The following ATP13A4 variants were observed in gnomAD, a reference collection of about 807,000 sequenced individuals.
ATP13A4 encodes the protein probable cation-transporting ATPase 13A4.
ATP13A4 carries 114 observed loss-of-function variants against 142.5 expected under a neutral mutation model. The ratio of observed to expected loss-of-function variants is 0.80; its 90% CI spans 0.69 to 0.93. The LOEUF is 0.93. Among genes scored for constraint, ATP13A4 ranks in the 40% least tolerant of loss-of-function variants. The pLI is 0.00. For missense variants in ATP13A4, 1,392 were observed against 1,454.0 expected (o/e 0.96, Z 0.69); for synonymous variants, 488 against 514.8 (o/e 0.95, Z 0.70).
At chr3:193,474,957 C>T (rs1295700905) in intron 8 of ATP13A4, among the ~76,000 whole-genome samples, 1 of 152,012 alleles carries the variant, frequency 6.6e-6, no homozygotes, top group East Asian at 1.9e-4. Context: ...GATAACATTG[C>T]TCACCTTATG....
chr3:193,537,832 G>A (rs979846646), intron 1 of ATP13A4, among the ~76,000 whole-genome samples: 4 of 151,966 alleles, frequency 2.6e-5, no homozygotes, highest in African/African-American at 9.7e-5. Context: ...ATTATGCTGG[G>A]GAAAAAAAGC....
At chr3:193,561,659 A>T (rs1366876634) in intron 2 of ATP13A4, among the ~76,000 whole-genome samples, 1 of 152,074 alleles carries the variant, frequency 6.6e-6, no homozygotes, top group East Asian at 1.9e-4. Flanking sequence ...TAGTACTCAG[A>T]CCCTCTCCCA....
intron 25 of ATP13A4, among the ~76,000 whole-genome samples, chr3:193,429,201 G>A (rs937023169): frequency 2.0e-5 from 3 of 152,060 alleles, no homozygotes; most frequent in Admixed American, 1.3e-4. Flanking sequence ...CTTATACATT[G>A]CTAGTGAGAA....
chr3:193,552,945 T>C (rs978454105), intron 1 of ATP13A4, among the ~76,000 whole-genome samples: 1 of 152,206 alleles, frequency 6.6e-6, no homozygotes, highest in African/African-American at 2.4e-5. Flanking sequence ...ATATATAGCT[T>C]GATAATTTTT....
chr3:193,400,957 G>A lies in ATP13A4; in HGVS notation c.*1695C>T, dbSNP rs1244140749. Among the ~76,000 whole-genome samples the A allele has an allele frequency of 3.9e-5, 6 of 152,162 alleles. No individual in the cohort carries two copies. Among genetic ancestry groups the A allele is most frequent in the Non-Finnish European group, 8.8e-5 (6 of 68,024 alleles). On this transcript the variant is annotated 3_prime_UTR_variant, in exon 30 of 30. Transcript: ENST00000342695. The stretch of plus-strand genomic sequence containing the variant: ...AAACATTTCTTTCTGTACCAAAAAA[G>A]ACAGTGATTCTGCAGTCTTGAAACA...
chr3:193,550,495 AG>A (rs1723491817), intron 1 of ATP13A4, among the ~76,000 whole-genome samples: 1 of 152,002 alleles, frequency 6.6e-6, no homozygotes, highest in African/African-American at 2.4e-5. Context: ...TTTTATAGAC[AG>A]GGTTTCACTA....
At chr3:193,417,302 A>G (rs1184109239) in intron 25 of ATP13A4, among the ~76,000 whole-genome samples, 1 of 152,250 alleles carries the variant, frequency 6.6e-6, no homozygotes, top group Non-Finnish European at 1.5e-5. Context: ...TAGTAAAGGT[A>G]ACTATATCAG....
chr3:193,502,583 T>A lies in ATP13A4; in HGVS notation c.291A>T (p.Leu97Phe). Residue 97 changes from leucine to phenylalanine, a missense_variant, in exon 3 of 30, where the codon TTA (leucine) becomes TTT (phenylalanine). By Grantham distance (22) the Leu-to-Phe change is conservative (BLOSUM62 0). Transcript: ENST00000342695. ...CAGGAGTGAGACCAAATGCGCTGTTTAATGCTGACAGGTAGATCCATATTA... is the reference window on the plus strand; with the variant it reads ...CAGGAGTGAGACCAAATGCGCTGTTAAATGCTGACAGGTAGATCCATATTA... ...KKVIWIYLSA[L>F]NSAFGLTPDH... 6.2e-7 allele frequency: 1 copy of A among 1,613,806 alleles called. No individual in the cohort carries two copies. Among genetic ancestry groups the A allele is most frequent in the East Asian group, 2.2e-5 (1 of 44,878 alleles).
chr3:193,449,445 C>G (rs951340116), intron 17 of ATP13A4, among the ~76,000 whole-genome samples: 1 of 152,186 alleles, frequency 6.6e-6, no homozygotes, highest in Non-Finnish European at 1.5e-5. Flanking sequence ...AGTGATGCTC[C>G]CAGGAAACTG....
intron 23 of ATP13A4, among the ~76,000 whole-genome samples, chr3:193,437,653 T>C (rs1270103011): frequency 6.6e-6 from 1 of 152,084 alleles, no homozygotes; most frequent in Non-Finnish European, 1.5e-5. Context: ...TGTGAGATAG[T>C]AGGCATTATA....
At chr3:193,412,506 AACACACACACACACACACACAC>A (rs58979821) in intron 26 of ATP13A4, 135 bp from the exon 27 acceptor site, 11 of 508,404 alleles carry the variant, frequency 2.2e-5, no homozygotes, top group South Asian at 1.5e-4. Flanking sequence ...TGCTTTGGAA[AACACACACACACACACACACAC>A]ACACACACAC....
At chr3:193,575,068 G>A (rs1577086736) in intron 2 of ATP13A4, among the ~76,000 whole-genome samples, 1 of 152,184 alleles carries the variant, frequency 6.6e-6, no homozygotes, top group Non-Finnish European at 1.5e-5. Context: ...AAGTGAACTA[G>A]TCTGAGAATG....
At chr3:193,503,696 C>T (rs1043570685) in intron 2 of ATP13A4, among the ~76,000 whole-genome samples, 6 of 152,106 alleles carry the variant, frequency 3.9e-5, no homozygotes, top group South Asian at 2.1e-4. Flanking sequence ...AAGAGAAGAC[C>T]GTCTGTATGC....
At chr3:193,549,023 A>G (rs899441605) in intron 1 of ATP13A4, among the ~76,000 whole-genome samples, 2 of 152,250 alleles carry the variant, frequency 1.3e-5, no homozygotes, top group African/African-American at 4.8e-5. Flanking sequence ...ACAACCACAG[A>G]ATATCAATTT....
chr3:193,548,959 C>T (rs1577072490), intron 1 of ATP13A4, among the ~76,000 whole-genome samples: 1 of 152,072 alleles, frequency 6.6e-6, no homozygotes, highest in African/African-American at 2.4e-5. Context: ...ATATAAATGC[C>T]AATAAACATA....
intron 23 of ATP13A4, 97 bp downstream of exon 23, chr3:193,438,378 G>T (rs1451651765): frequency 9.9e-7 from 1 of 1,014,640 alleles, no homozygotes; most frequent in Non-Finnish European, 1.5e-6. Context: ...CCGCACCCAG[G>T]GACAGAAAGT....
intron 5 of ATP13A4, 37 bp downstream of exon 5, chr3:193,492,880 C>T: frequency 6.8e-7 from 1 of 1,473,838 alleles, no homozygotes; most frequent in South Asian, 1.1e-5. Flanking sequence ...TGATAATAAT[C>T]CTTTTGAGCT....
chr3:193,429,544 T>C (rs1715858831), intron 25 of ATP13A4, among the ~76,000 whole-genome samples: 1 of 151,862 alleles, frequency 6.6e-6, no homozygotes, highest in South Asian at 2.1e-4. Flanking sequence ...ACTGCCTGAC[T>C]TCATTTATAT....
chr3:193,565,246 A>T (rs1278522886), intron 2 of ATP13A4, among the ~76,000 whole-genome samples: 1 of 152,226 alleles, frequency 6.6e-6, no homozygotes, highest in African/African-American at 2.4e-5. Flanking sequence ...AGAACAAATT[A>T]TTTAACCTTT....
Sources: allele counts gnomAD v4.1 joint callset (sites outside exome capture counted in the v4.1 genomes callset), GRCh38; gene constraint gnomAD v4.1.1; transcripts MANE v1.5; gene names NCBI Gene and HGNC (gene_info 2026-07-23, HGNC 2026-07-21).